Variants in FOCAD observed in about 807,000 individuals in gnomAD.
FOCAD encodes the protein focadhesin.
Under a neutral mutation model 225.6 loss-of-function variants are expected in FOCAD, and 198 were observed. The observed-to-expected ratio is 0.88, with a 90% CI of 0.78 to 0.99. The LOEUF is 0.99. FOCAD is among the 50% of genes least tolerant of loss of function. The probability of loss-of-function intolerance (pLI) is 0.00; values close to 1 mark genes in which losing one functional copy is unlikely to be tolerated. For synonymous variants in FOCAD, 897 were observed against 755.0 expected, an observed-to-expected ratio of 1.19 and a Z score of -3.08; for missense variants, 2,713 against 2,123.6, an observed-to-expected ratio of 1.28 and a Z score of -5.46.
chr9:20,680,341 C>T (rs576669704), upstream of FOCAD, among the ~76,000 whole-genome samples: 8 of 152,258 alleles, frequency 5.3e-5, no homozygotes, highest in South Asian at 2.1e-4. Flanking sequence ...GAGCCCACCA[C>T]GAGGTCAAGA....
At chr9:20,849,668 G>T (rs1330777622) in intron 15 of FOCAD, among the ~76,000 whole-genome samples, 2 of 151,922 alleles carry the variant, frequency 1.3e-5, no homozygotes, top group African/African-American at 4.8e-5. Context: ...ACAAACTCGT[G>T]TACATGGGGT....
intron 28 of FOCAD, among the ~76,000 whole-genome samples, chr9:20,941,267 C>G (rs898141157): frequency 3.9e-5 from 6 of 152,198 alleles, no homozygotes; most frequent in Admixed American, 3.3e-4. Context: ...GATTTTACTG[C>G]CATCTAGTGG....
At chr9:20,749,064 G>A (rs1365817241) in intron 5 of FOCAD, among the ~76,000 whole-genome samples, 1 of 152,048 alleles carries the variant, frequency 6.6e-6, no homozygotes, top group Non-Finnish European at 1.5e-5. Flanking sequence ...TTAATGAAAG[G>A]AAGGTTGTGG....
intron 15 of FOCAD, among the ~76,000 whole-genome samples, chr9:20,834,594 G>C (rs777288595): frequency 4.6e-5 from 7 of 152,090 alleles, no homozygotes; most frequent in African/African-American, 1.4e-4. Context: ...GATATATCTT[G>C]AAAACATGTT....
chr9:20,795,839 A>T (rs920519447), intron 11 of FOCAD, among the ~76,000 whole-genome samples: 2 of 142,236 alleles, frequency 1.4e-5, no homozygotes, highest in East Asian at 2.1e-4. Flanking sequence ...TTATTTATTT[A>T]TTTTTTGTTA....
chr9:20,694,415 G>T (rs1247000921), intron 1 of FOCAD: 1 of 152,134 alleles, frequency 6.6e-6, no homozygotes, highest in African/African-American at 2.4e-5. Flanking sequence ...ATTATAAGGA[G>T]TGTAATATTG....
At chr9:20,903,520 A>G (rs925964193) in intron 21 of FOCAD, among the ~76,000 whole-genome samples, 3 of 151,874 alleles carry the variant, frequency 2.0e-5, no homozygotes, top group East Asian at 1.9e-4. Context: ...AAAGCTTATA[A>G]TGGTTCTCTC....
At position 20,659,781 on chromosome 9, in the gene FOCAD, G is replaced by A. The variant is rs540507125; in HGVS notation, c.-78+955G>A. The stretch of plus-strand genomic sequence containing the variant: ...CAGTCATTTTGATGGCATTGTGAAA[G>A]CATTGGAAAGCAGTGAGATGCAGGT... On this transcript the variant is annotated intron_variant, in intron 2 of 45. Coordinates refer to the FOCAD transcript ENST00000380249. Among the ~76,000 whole-genome samples, 4 of 152,350 alleles carry A rather than the reference G, an allele frequency of 2.6e-5. No individual in the cohort carries two copies. The East Asian group carries it at 7.7e-4, about 29-fold the overall frequency.
Position 20,736,391 on chromosome 9 carries a change from A to G in FOCAD, c.288-3845A>G, listed in dbSNP as rs760666500. On this transcript the variant is annotated intron_variant, in intron 4 of 43. Transcript: ENST00000338382. ...CTAATTCACTATTTTGAGTTTTAGC[A>G]TGATTCAAATTACTGTAACCTCTTT... 5.3e-4 allele frequency among the ~76,000 whole-genome samples: 81 copies of G among 152,340 alleles called. 2 individuals carry two copies. The highest frequency in any genetic ancestry group is 7.2e-4 in the Admixed American group (11 of 15,296).
At chr9:20,968,051 C>T (rs1839424333) in intron 35 of FOCAD, among the ~76,000 whole-genome samples, 1 of 152,058 alleles carries the variant, frequency 6.6e-6, no homozygotes, top group Admixed American at 6.6e-5. Flanking sequence ...CTTTAAGTGT[C>T]CGGGAGAATT....
At chr9:20,790,177 G>T (rs1158470620) in intron 11 of FOCAD, among the ~76,000 whole-genome samples, 1 of 152,150 alleles carries the variant, frequency 6.6e-6, no homozygotes, top group African/African-American at 2.4e-5. Context: ...GATGTAATGA[G>T]AAAGCAGTCA....
chr9:20,860,338 C>T (rs551496794), intron 15 of FOCAD, among the ~76,000 whole-genome samples: 37 of 152,192 alleles, frequency 2.4e-4, no homozygotes, highest in African/African-American at 7.9e-4. Context: ...CCCAAGACTG[C>T]GCAATTTACA....
intron 15 of FOCAD, among the ~76,000 whole-genome samples, chr9:20,824,476 A>C (rs1448429481): frequency 6.6e-6 from 1 of 151,966 alleles, no homozygotes; most frequent in African/African-American, 2.4e-5. Flanking sequence ...TTCTCTGCCC[A>C]TCCCCTCCTG....
intron 21 of FOCAD, among the ~76,000 whole-genome samples, chr9:20,887,364 A>G (rs1831187497): frequency 6.6e-6 from 1 of 151,886 alleles, no homozygotes; most frequent in African/African-American, 2.4e-5. Flanking sequence ...CCTCCCGAGT[A>G]GCTGGGATTA....
intron 1 of FOCAD, among the ~76,000 whole-genome samples, chr9:20,701,508 CAG>C (rs149543122): frequency 0.024 from 3,659 of 152,186 alleles, 59 homozygotes; most frequent in Middle Eastern, 0.037. Context: ...TTTAAAAAAA[CAG>C]AAAATGTAGA....
intron 11 of FOCAD, among the ~76,000 whole-genome samples, chr9:20,791,817 G>A (rs76211600): frequency 0.038 from 5,785 of 152,236 alleles, 145 homozygotes; most frequent in African/African-American, 0.071. Context: ...GGAATGGGGT[G>A]AGATGGTCCC....
intron 19 of FOCAD, among the ~76,000 whole-genome samples, chr9:20,878,529 C>T (rs1305209966): frequency 6.6e-6 from 1 of 152,160 alleles, no homozygotes; most frequent in Non-Finnish European, 1.5e-5. Context: ...ATCACAACCC[C>T]TTTTCGTGAG....
chr9:20,678,680 C>A (rs1822308431), intron 2 of FOCAD, among the ~76,000 whole-genome samples: 1 of 152,164 alleles, frequency 6.6e-6, no homozygotes, highest in South Asian at 2.1e-4. Flanking sequence ...GATAGTAATT[C>A]CCTGAACCCC....
intron 10 of FOCAD, among the ~76,000 whole-genome samples, chr9:20,783,672 A>G (rs577641959): frequency 6.6e-6 from 1 of 152,056 alleles, no homozygotes; most frequent in African/African-American, 2.4e-5. Context: ...TGATATTTAA[A>G]ACTACCTATT....
Sources: allele counts gnomAD v4.1 joint callset (sites outside exome capture counted in the v4.1 genomes callset), GRCh38; gene constraint gnomAD v4.1.1; transcripts MANE v1.5; gene names NCBI Gene and HGNC (gene_info 2026-07-23, HGNC 2026-07-21).